CCDC91: variants seen among roughly 807,000 people sequenced by gnomAD.
CCDC91 encodes the protein coiled-coil domain containing 91, also known as coiled-coil domain-containing protein 91.
Under a neutral mutation model 63.2 loss-of-function variants are expected in CCDC91, and 48 were observed. The observed-to-expected ratio is 0.76, with a 90% CI of 0.60 to 0.97. The LOEUF (loss-of-function observed/expected upper bound fraction) is 0.97, where lower values mean the gene tolerates loss of function less well. CCDC91 is among the 50% of genes least tolerant of loss of function. The pLI is 0.00. For missense variants in CCDC91, 500 were observed against 494.6 expected (o/e 1.01, Z -0.10); for synonymous variants, 167 against 165.8 (o/e 1.01, Z -0.06).
intron 11 of CCDC91, among the ~76,000 whole-genome samples, chr12:28,480,730 C>T (rs1289884065): frequency 6.6e-6 from 1 of 151,872 alleles, no homozygotes. Flanking sequence ...CACAATTTCC[C>T]CAGAAAATTA....
intron 1 of CCDC91, among the ~76,000 whole-genome samples, chr12:28,244,717 A>G (rs1384797263): frequency 1.3e-5 from 2 of 151,580 alleles, no homozygotes; most frequent in Non-Finnish European, 2.9e-5. Flanking sequence ...TTTCCATGTG[A>G]TATCTCAGTG....
intron 7 of CCDC91, among the ~76,000 whole-genome samples, chr12:28,378,328 A>G (rs1383388670): frequency 6.6e-6 from 1 of 152,024 alleles, no homozygotes; most frequent in African/African-American, 2.4e-5. Context: ...GTATCACATG[A>G]CTGCTGTATT....
intron 12 of CCDC91, among the ~76,000 whole-genome samples, chr12:28,512,249 A>C (rs1019560830): frequency 8.6e-5 from 13 of 151,840 alleles, no homozygotes; most frequent in African/African-American, 2.9e-4. Flanking sequence ...AAGCTTCTCC[A>C]TCAATATTAC....
intron 8 of CCDC91, among the ~76,000 whole-genome samples, chr12:28,426,288 T>G (rs1948312438): frequency 6.6e-6 from 1 of 152,154 alleles, no homozygotes; most frequent in Admixed American, 6.6e-5. Flanking sequence ...ACTTTAGGTG[T>G]ACATTATTTG....
chr12:28,511,197 C>T (rs1939337937), intron 12 of CCDC91, among the ~76,000 whole-genome samples: 1 of 151,796 alleles, frequency 6.6e-6, no homozygotes, highest in Admixed American at 6.6e-5. Flanking sequence ...GTCACAAGAC[C>T]AAGCTACCAT....
chr12:28,233,929 C>T (rs756534772), intron 1 of CCDC91, among the ~76,000 whole-genome samples: 2 of 151,990 alleles, frequency 1.3e-5, no homozygotes, highest in South Asian at 2.1e-4. Flanking sequence ...TGTAAAATAC[C>T]GGTAAAATTG....
intron 8 of CCDC91, among the ~76,000 whole-genome samples, chr12:28,413,359 G>C (rs969776059): frequency 2.0e-5 from 3 of 152,026 alleles, no homozygotes; most frequent in African/African-American, 7.2e-5. Flanking sequence ...AATGTTCCTA[G>C]CTGCTTCTTG....
At chr12:28,240,582 G>A (rs545881213) in intron 1 of CCDC91, among the ~76,000 whole-genome samples, 3 of 151,960 alleles carry the variant, frequency 2.0e-5, no homozygotes, top group South Asian at 2.1e-4. Flanking sequence ...AAAGAGACAC[G>A]TTTAAAGTTT....
intron 12 of CCDC91, among the ~76,000 whole-genome samples, chr12:28,525,315 G>T (rs1451660330): frequency 2.6e-5 from 4 of 152,012 alleles, no homozygotes; most frequent in African/African-American, 9.7e-5. Flanking sequence ...TTGTCATTCA[G>T]TTCGAAGAGT....
At chr12:28,545,323 G>A (rs1942913195) in intron 12 of CCDC91, among the ~76,000 whole-genome samples, 1 of 152,016 alleles carries the variant, frequency 6.6e-6, no homozygotes, top group African/African-American at 2.4e-5. Flanking sequence ...AGGATAAGAA[G>A]GTCATGCCTA....
At chr12:28,251,726 C>T (rs1946128686) in intron 1 of CCDC91, among the ~76,000 whole-genome samples, 1 of 152,070 alleles carries the variant, frequency 6.6e-6, no homozygotes, top group African/African-American at 2.4e-5. Context: ...TTTAAAATTA[C>T]ACTCATGATG....
chr12:28,376,165 T>C (rs1262695249), intron 7 of CCDC91, among the ~76,000 whole-genome samples: 1 of 151,896 alleles, frequency 6.6e-6, no homozygotes, highest in Non-Finnish European at 1.5e-5. Flanking sequence ...ATGGGAATTA[T>C]TAACCATTGT....
intron 12 of CCDC91, among the ~76,000 whole-genome samples, chr12:28,489,211 T>C (rs765352254): frequency 2.0e-5 from 3 of 151,952 alleles, no homozygotes; most frequent in Non-Finnish European, 2.9e-5. Flanking sequence ...AACTAGACAA[T>C]TGAAGTCTCT....
At chr12:28,439,489 A>T (rs950072704) in intron 8 of CCDC91, among the ~76,000 whole-genome samples, 2 of 152,160 alleles carry the variant, frequency 1.3e-5, no homozygotes, top group Non-Finnish European at 2.9e-5. Flanking sequence ...GTAAAATAAG[A>T]TGCTCATGAG....
At chr12:28,193,580 A>G (rs1331057809) in intron 1 of CCDC91, among the ~76,000 whole-genome samples, 1 of 150,506 alleles carries the variant, frequency 6.6e-6, no homozygotes, top group Non-Finnish European at 1.5e-5. Flanking sequence ...CAGACTGGTG[A>G]CAGAGTGAAA....
intron 12 of CCDC91, among the ~76,000 whole-genome samples, chr12:28,486,483 A>G (rs1951732165): frequency 6.6e-6 from 1 of 152,166 alleles, no homozygotes; most frequent in African/African-American, 2.4e-5. Context: ...TATATAACAA[A>G]GCAAACTCAT....
chr12:28,504,134 T>A (rs1017197776), intron 12 of CCDC91, among the ~76,000 whole-genome samples: 2 of 149,220 alleles, frequency 1.3e-5, no homozygotes, highest in Non-Finnish European at 3.0e-5. Flanking sequence ...CAAAAAAAAA[T>A]AAGTATATTC....
intron 6 of CCDC91, among the ~76,000 whole-genome samples, chr12:28,329,083 G>A (rs1205696893): frequency 1.8e-4 from 27 of 152,050 alleles, no homozygotes; most frequent in Admixed American, 1.7e-3. Flanking sequence ...CTCTACATAT[G>A]GTTTTGAATG....
intron 3 of CCDC91, among the ~76,000 whole-genome samples, chr12:28,269,272 T>G (rs536208655): frequency 6.6e-6 from 1 of 152,236 alleles, no homozygotes; most frequent in East Asian, 1.9e-4. Flanking sequence ...TTGTGGTACT[T>G]CCTCTTTGTG....
Sources: gnomAD v4.1 joint callset for allele counts (sites outside exome capture counted in the v4.1 genomes callset) on GRCh38, gnomAD v4.1.1 for gene constraint, MANE v1.5 for transcripts, NCBI Gene and HGNC (gene_info 2026-07-23, HGNC 2026-07-21) for gene names.